Variants in DLG2 observed in about 807,000 individuals in gnomAD.
The protein encoded by DLG2 is discs large MAGUK scaffold protein 2, also known as disks large homolog 2.
A neutral mutation model predicts 132.5 loss-of-function variants in DLG2; 45 were observed. The ratio of observed to expected loss-of-function variants is 0.34; its 90% CI spans 0.27 to 0.44. The LOEUF is 0.44. DLG2 is among the 20% of genes least tolerant of loss of function. The pLI, the probability that DLG2 is intolerant of heterozygous loss-of-function variation, is 1.00. For missense variants in DLG2, 1,045 were observed against 1,196.9 expected (o/e 0.87, Z 1.87); for synonymous variants, 424 against 419.6 (o/e 1.01, Z -0.13).
At chr11:83,626,073 C>T (rs1342805864) in intron 19 of DLG2, among the ~76,000 whole-genome samples, 2 of 152,134 alleles carry the variant, frequency 1.3e-5, no homozygotes, top group Non-Finnish European at 2.9e-5. Flanking sequence ...AACATCAAGA[C>T]ATTACTGGGA....
intron 18 of DLG2, among the ~76,000 whole-genome samples, chr11:83,740,182 T>A (rs1455437051): frequency 6.6e-6 from 1 of 152,214 alleles, no homozygotes; most frequent in Non-Finnish European, 1.5e-5. Context: ...ATATACACCT[T>A]TGTTCCAAAG....
intron 3 of DLG2, among the ~76,000 whole-genome samples, chr11:85,310,230 C>A (rs1291168973): frequency 6.6e-6 from 1 of 152,172 alleles, no homozygotes; most frequent in Non-Finnish European, 1.5e-5. Context: ...ATCTAACACC[C>A]TTTGTCTAAT....
intron 4 of DLG2, among the ~76,000 whole-genome samples, chr11:85,277,822 T>C (rs2077985020): frequency 6.6e-6 from 1 of 152,180 alleles, no homozygotes; most frequent in Non-Finnish European, 1.5e-5. Context: ...AGTCTCCAGG[T>C]ACCTAGTTGA....
Position 84,518,206 on chromosome 11 carries a change from C to A in DLG2, c.519+16364G>T, listed in dbSNP as rs974591153. 1.6e-4 allele frequency among the ~76,000 whole-genome samples: 15 copies of A among 93,286 alleles called. 2 individuals carry two copies. The highest frequency in any genetic ancestry group is 5.6e-4 in the African/African-American group (13 of 23,060). The allele number at this position is 93,286 out of a possible 152,430, so 61.2% of individuals were successfully genotyped here. A position where few individuals can be genotyped will look rare whatever the true frequency, so the allele number is the denominator to read the frequency against. On this transcript the variant is annotated intron_variant, in intron 7 of 27. Transcript: ENST00000376104. The stretch of plus-strand genomic sequence containing the variant: ...AGTCTTTTAAGGAAAGGTTTCAGAA[C>A]CTACAAAGAGTTTAATAGGCTACTA...
intron 3 of DLG2, among the ~76,000 whole-genome samples, chr11:85,385,841 T>C (rs2086278639): frequency 6.6e-6 from 1 of 152,152 alleles, no homozygotes; most frequent in Non-Finnish European, 1.5e-5. Flanking sequence ...TAAGAACTAA[T>C]AAATTGTTAA....
At chr11:84,540,072 T>TA (rs2099364480) in intron 6 of DLG2, among the ~76,000 whole-genome samples, 4 of 152,096 alleles carry the variant, frequency 2.6e-5, no homozygotes, top group African/African-American at 9.7e-5. Flanking sequence ...ATGTTAGACC[T>TA]AAAACCATAA....
rs111507687 is a variant in DLG2 at position 83,588,467 on chromosome 11, A to T, written c.1940+44744T>A. Among the ~76,000 whole-genome samples, 118 of 152,296 alleles carry T rather than the reference A, an allele frequency of 7.7e-4. 2 individuals carry two copies. The highest frequency in any genetic ancestry group is 2.6e-3 in the African/African-American group (109 of 41,544). On this transcript the variant is annotated intron_variant, in intron 19 of 27. Coordinates refer to ENST00000376104, the MANE Select transcript of DLG2 (RefSeq NM_001142699.3). ...ACTAACAAACAGAAAGGACATCCAC[A>T]CCAAAAACCCATCTGTACATCACCA... is the stretch of plus-strand genomic sequence containing the variant.
intron 18 of DLG2, among the ~76,000 whole-genome samples, chr11:83,715,240 C>T (rs2086429692): frequency 6.6e-6 from 1 of 152,266 alleles, no homozygotes; most frequent in South Asian, 2.1e-4. Context: ...ACCAAACATT[C>T]CACATGCTGA....
At chr11:84,630,522 T>C (rs1435282945) in intron 6 of DLG2, among the ~76,000 whole-genome samples, 5 of 152,166 alleles carry the variant, frequency 3.3e-5, no homozygotes, top group Non-Finnish European at 5.9e-5. Context: ...TAACTCTTGA[T>C]TGTAGGAACT....
At chr11:84,360,961 A>AT (rs796696909) in intron 7 of DLG2, among the ~76,000 whole-genome samples, 13 of 152,086 alleles carry the variant, frequency 8.5e-5, no homozygotes, top group African/African-American at 3.1e-4. Flanking sequence ...ATAAAGATAA[A>AT]AAAAGATACC....
chr11:84,217,946 T>A (rs1460460973), intron 8 of DLG2, among the ~76,000 whole-genome samples: 2 of 152,120 alleles, frequency 1.3e-5, no homozygotes, highest in Non-Finnish European at 2.9e-5. Flanking sequence ...GGTGGGCAGA[T>A]CACTTGAGGT....
At chr11:85,325,143 T>G (rs1245207978) in intron 3 of DLG2, among the ~76,000 whole-genome samples, 1 of 136,242 alleles carries the variant, frequency 7.3e-6, no homozygotes, top group Non-Finnish European at 1.6e-5. Flanking sequence ...TCTCGCTGAT[T>G]GCTAGCACAG....
At chr11:84,446,403 G>A (rs1000081412) in intron 7 of DLG2, among the ~76,000 whole-genome samples, 1 of 151,840 alleles carries the variant, frequency 6.6e-6, no homozygotes, top group East Asian at 1.9e-4. Context: ...TTTCTGCATC[G>A]TATTGTACAT....
intron 3 of DLG2, among the ~76,000 whole-genome samples, chr11:85,472,034 C>A (rs935284511): frequency 2.0e-5 from 3 of 152,054 alleles, no homozygotes; most frequent in Non-Finnish European, 2.9e-5. Context: ...AGGGTGGGTC[C>A]CTGGTGAAAC....
chr11:84,049,401 T>G (rs1028022144), intron 11 of DLG2, among the ~76,000 whole-genome samples: 9 of 151,574 alleles, frequency 5.9e-5, no homozygotes, highest in African/African-American at 1.9e-4. Flanking sequence ...CTGTAAGGAG[T>G]GAAAAAAGGT....
At chr11:83,895,438 G>A (rs1026889373) in intron 15 of DLG2, among the ~76,000 whole-genome samples, 2 of 152,134 alleles carry the variant, frequency 1.3e-5, no homozygotes, top group Non-Finnish European at 2.9e-5. Flanking sequence ...GGGATTACAG[G>A]CGTGAGCCAC....
In DLG2 at chr11:85,039,018, C is replaced by T. The variant is rs182275033; in HGVS notation, c.357+72643G>A. Among the ~76,000 whole-genome samples, 16 of 152,006 alleles carry T rather than the reference C, an allele frequency of 1.1e-4. No homozygotes were observed. In the East Asian group the frequency reaches 1.5e-3, roughly 15 times the overall value. On this transcript the variant is annotated intron_variant, in intron 6 of 27. Coordinates refer to ENST00000376104, the MANE Select transcript of DLG2 (RefSeq NM_001142699.3). ...TAAGAATAGGTATATATTTACATAA[C>T]GTTTTCCCCTTTTGTCTGCTTTGTC... is the stretch of plus-strand genomic sequence containing the variant.
At chr11:85,014,856 G>T (rs2059439463) in intron 6 of DLG2, among the ~76,000 whole-genome samples, 1 of 152,120 alleles carries the variant, frequency 6.6e-6, no homozygotes, top group Admixed American at 6.5e-5. Flanking sequence ...ATTGGTAATT[G>T]CACCAGATTT....
intron 3 of DLG2, among the ~76,000 whole-genome samples, chr11:85,461,753 T>C (rs933955531): frequency 6.6e-6 from 1 of 152,224 alleles, no homozygotes; most frequent in Non-Finnish European, 1.5e-5. Context: ...GTGAACTCCC[T>C]ATTATGGACT....
Sources: allele counts gnomAD v4.1 joint callset (sites outside exome capture counted in the v4.1 genomes callset), GRCh38; gene constraint gnomAD v4.1.1; transcripts MANE v1.5; gene names NCBI Gene and HGNC (gene_info 2026-07-23, HGNC 2026-07-21).